The following SNRNP40 variants were observed in gnomAD, a reference collection of about 807,000 sequenced individuals.
SNRNP40 encodes U5 small nuclear ribonucleoprotein 40 kDa protein.
In SNRNP40, 21 loss-of-function variants were observed where a neutral mutation model predicts 45.8. The ratio of observed to expected loss-of-function variants is 0.46; its 90% CI spans 0.32 to 0.66. SNRNP40 has a LOEUF of 0.66. Among genes scored for constraint, SNRNP40 ranks in the 30% least tolerant of loss-of-function variants. The pLI, the probability that SNRNP40 is intolerant of heterozygous loss-of-function variation, is 0.03. For missense variants in SNRNP40, 344 were observed against 439.1 expected, an observed-to-expected ratio of 0.78 and a Z score of 1.94; for synonymous variants, 142 against 163.8, an observed-to-expected ratio of 0.87 and a Z score of 1.01.
chr1:31,270,762 TA>T (rs1163066381), intron 6 of SNRNP40, among the ~76,000 whole-genome samples: 1 of 152,216 alleles, frequency 6.6e-6, no homozygotes, highest in Non-Finnish European at 1.5e-5. Flanking sequence ...CTGACAAGCC[TA>T]TAATTTTGTA....
intron 6 of SNRNP40, chr1:31,269,628 A>G (rs1645923443): frequency 2.8e-6 from 1 of 352,278 alleles, no homozygotes; most frequent in Admixed American, 4.5e-5. Context: ...CAATGAACTT[A>G]TAAAAGCCAA....
intron 4 of SNRNP40, 24 bp downstream of exon 4, chr1:31,289,230 G>C (rs761201209): frequency 1.2e-6 from 2 of 1,609,440 alleles, no homozygotes; most frequent in African/African-American, 1.3e-5. Flanking sequence ...CTCAGAAACT[G>C]GAACACGGAG....
chr1:31,279,962 G>C (rs1025989176), intron 5 of SNRNP40, among the ~76,000 whole-genome samples: 11 of 150,216 alleles, frequency 7.3e-5, no homozygotes, highest in Admixed American at 7.3e-4. Context: ...ACAAAAATTA[G>C]CTGGGCATGG....
intron 5 of SNRNP40, among the ~76,000 whole-genome samples, chr1:31,277,031 T>C (rs1645980507): frequency 6.7e-6 from 1 of 149,902 alleles, no homozygotes; most frequent in African/African-American, 2.5e-5. Context: ...TGAAACTCCG[T>C]CTCAAAAAAA....
intron 3 of SNRNP40, among the ~76,000 whole-genome samples, chr1:31,291,432 A>G (rs981950781): frequency 1.9e-4 from 29 of 152,078 alleles, no homozygotes; most frequent in African/African-American, 6.5e-4. Flanking sequence ...GTGGTTAATT[A>G]TTGTAATCAC....
chr1:31,279,698 G>T (rs1415886939), intron 5 of SNRNP40, among the ~76,000 whole-genome samples: 1 of 151,742 alleles, frequency 6.6e-6, no homozygotes, highest in Non-Finnish European at 1.5e-5. Flanking sequence ...AGTGAGCCAA[G>T]ATCACGCCAC....
Position 31,293,280 on chromosome 1 carries a change from G to A in SNRNP40, c.210C>T (p.Tyr70=), listed in dbSNP as rs376298216. 6 of 1,614,008 alleles carry A rather than the reference G, an allele frequency of 3.7e-6. No homozygotes were observed. The highest frequency in any genetic ancestry group is 5.1e-6 in the Non-Finnish European group (6 of 1,180,022). The change falls in exon 2 of 10, where the codon TAC becomes TAT. Residue 70 remains tyrosine (Y), a synonymous_variant. Coordinates refer to ENST00000263694, the MANE Select transcript of SNRNP40 (RefSeq NM_004814.3). ...ATCCGTTGGGGTGGAACTTGCAGCAGTAGACTTCCCCTTCATGTCCAGAGA... is the reference window on the plus strand; with the variant it reads ...ATCCGTTGGGGTGGAACTTGCAGCAATAGACTTCCCCTTCATGTCCAGAGA... ...MLLSGHEGEV[Y]CCKFHPNGST...
chr1:31,277,404 C>A (rs996443611), intron 5 of SNRNP40, among the ~76,000 whole-genome samples: 21 of 152,064 alleles, frequency 1.4e-4, no homozygotes, highest in Admixed American at 1.1e-3. Context: ...ATTACTAAAT[C>A]TATTTTAATT....
At chr1:31,266,075 T>C (rs966435885) in intron 8 of SNRNP40, among the ~76,000 whole-genome samples, 13 of 152,114 alleles carry the variant, frequency 8.5e-5, no homozygotes, top group Admixed American at 4.6e-4. Flanking sequence ...CCTTTCTTTT[T>C]CCTCCAGAAA....
At position 31,267,853 on chromosome 1, in the gene SNRNP40, G is replaced by A. The variant is rs764040131; in HGVS notation, c.920+18C>T. The A allele has an allele frequency of 6.2e-7, 1 of 1,600,922 alleles. No individual in the cohort carries two copies. The highest frequency in any genetic ancestry group is 1.1e-5 in the South Asian group (1 of 90,760). On this transcript the variant is annotated intron_variant, in intron 8 of 9. Coordinates refer to ENST00000263694, the MANE Select transcript of SNRNP40 (RefSeq NM_004814.3). ...GGCCAGCTACATCATTCTTTACTTT[G>A]CACCCACTAATCCTTACCTGTCGGC...
chr1:31,259,958 C>T lies in SNRNP40; in HGVS notation c.*114G>A, dbSNP rs1569625999. ...TATGGCCACCGCCTCCTGTTTCTTG[C>T]TAGCAATGGTCATCTGAAGGGAGGG... On this transcript the variant is annotated 3_prime_UTR_variant, in exon 10 of 10. Transcript: ENST00000263694. 1 of 813,814 alleles carries T rather than the reference C, an allele frequency of 1.2e-6. No homozygotes were observed. The highest frequency in any genetic ancestry group is 2.2e-6 in the Non-Finnish European group (1 of 463,430). The allele number at this position is 813,814 out of a possible 1,614,324, so 50.4% of individuals were successfully genotyped here.
At chr1:31,292,977 T>G (rs1031248647) in intron 2 of SNRNP40, 2 of 496,764 alleles carry the variant, frequency 4.0e-6, no homozygotes, top group Non-Finnish European at 7.2e-6. Context: ...GAGGAAGACA[T>G]TCTCAAACCA....
At chr1:31,291,866 C>CAAA (rs1557680840) in intron 3 of SNRNP40, 47 bp downstream of exon 3, 5 of 1,295,228 alleles carry the variant, frequency 3.9e-6, no homozygotes. Flanking sequence ...GAAAGGACGC[C>CAAA]AAGAATTAGT....
chr1:31,291,053 C>T (rs999992030), intron 3 of SNRNP40, among the ~76,000 whole-genome samples: 3 of 151,788 alleles, frequency 2.0e-5, no homozygotes, highest in Non-Finnish European at 4.4e-5. Context: ...CTTTGGGAGG[C>T]TGAGGTGGGC....
intron 1 of SNRNP40, 121 bp from the exon 2 acceptor site, chr1:31,293,469 T>G: frequency 4.1e-6 from 4 of 982,850 alleles, no homozygotes; most frequent in Non-Finnish European, 5.9e-6. Flanking sequence ...TTCATCTGAC[T>G]TACAGAATGG....
At chr1:31,282,612 T>TATCTATCC (rs1553166911) in intron 4 of SNRNP40, 1 of 148,038 alleles carries the variant, frequency 6.8e-6, no homozygotes, top group African/African-American at 2.5e-5. Flanking sequence ...TCTATCTATC[T>TATCTATCC]ATCTTTCTAT....
chr1:31,296,768 T>C lies in SNRNP40; in HGVS notation c.-17A>G, dbSNP rs920268899. 3 of 1,568,466 alleles carry C rather than the reference T, an allele frequency of 1.9e-6. No individual in the cohort carries two copies. Among genetic ancestry groups the C allele is most frequent in the Non-Finnish European group, 2.6e-6 (3 of 1,155,982 alleles). ...TTCTATCATGGCGGCAACCGGTCTCTTCAGCGCCGCCACTGACCGCGCTGC... is the reference window on the plus strand; with the variant it reads ...TTCTATCATGGCGGCAACCGGTCTCCTCAGCGCCGCCACTGACCGCGCTGC... On this transcript the variant is annotated 5_prime_UTR_variant, in exon 1 of 10. Transcript: ENST00000263694.
intron 8 of SNRNP40, chr1:31,261,916 T>C: frequency 4.2e-6 from 1 of 237,856 alleles, no homozygotes; most frequent in Non-Finnish European, 8.1e-6. Flanking sequence ...GAAAAGAAAG[T>C]TTTTCCTGCA....
intron 7 of SNRNP40, among the ~76,000 whole-genome samples, chr1:31,268,163 C>T (rs915296904): frequency 6.6e-6 from 1 of 152,088 alleles, no homozygotes; most frequent in African/African-American, 2.4e-5. Context: ...TTGAACCTGG[C>T]AACAAAATTT....
Sources: allele counts gnomAD v4.1 joint callset (sites outside exome capture counted in the v4.1 genomes callset), GRCh38; gene constraint gnomAD v4.1.1; transcripts MANE v1.5; gene names NCBI Gene and HGNC (gene_info 2026-07-23, HGNC 2026-07-21).